The following INO80D variants were observed in gnomAD, a reference collection of about 807,000 sequenced individuals.
INO80D encodes INO80 complex subunit D.
Under a neutral mutation model 87.6 loss-of-function variants are expected in INO80D, and 21 were observed. The observed-to-expected ratio is 0.24, with a 90% CI of 0.17 to 0.35. INO80D has a LOEUF of 0.35. INO80D is among the 10% of genes least tolerant of loss of function. INO80D has a pLI of 1.00. For missense variants in INO80D, 982 were observed against 1,280.7 expected (o/e 0.77, Z 3.56); for synonymous variants, 440 against 491.0 (o/e 0.90, Z 1.37).
intron 5 of INO80D, among the ~76,000 whole-genome samples, chr2:206,029,893 C>A (rs1333345317): frequency 6.6e-6 from 1 of 152,044 alleles, no homozygotes. Context: ...AACAGTGGGG[C>A]AAAAAGGCCA....
At chr2:206,081,711 C>T (rs1690288701) in intron 1 of INO80D, among the ~76,000 whole-genome samples, 1 of 148,056 alleles carries the variant, frequency 6.8e-6, no homozygotes, top group Non-Finnish European at 1.5e-5. Context: ...GAGCTGTAAT[C>T]ATGCCACTGT....
intron 8 of INO80D, 89 bp from the exon 9 acceptor site, chr2:206,009,883 C>G: frequency 9.7e-7 from 1 of 1,032,002 alleles, no homozygotes. Context: ...CCTTAATATT[C>G]TATATAATGC....
rs572516525 is a variant in INO80D, at chr2:206,000,525, C to A, written c.*3843G>T. On this transcript the variant is annotated 3_prime_UTR_variant, in exon 11 of 11. Coordinates refer to ENST00000403263, the MANE Select transcript of INO80D (RefSeq NM_017759.5). ...GTATAGGTCAACAGAAAGGTCAATTCTTTCATGTAAGAAGAAAACCGTATG... is the reference window on the plus strand; with the variant it reads ...GTATAGGTCAACAGAAAGGTCAATTATTTCATGTAAGAAGAAAACCGTATG... The A allele has an allele frequency of 6.6e-6, 1 of 151,706 alleles. No individual in the cohort carries two copies. Among genetic ancestry groups the A allele is most frequent in the Non-Finnish European group, 1.5e-5 (1 of 67,956 alleles). 9.4% of individuals were successfully genotyped at this position (151,706 alleles called of 1,614,324 possible).
chr2:206,031,617 G>A (rs1688768919), intron 5 of INO80D, among the ~76,000 whole-genome samples: 3 of 152,348 alleles, frequency 2.0e-5, no homozygotes, highest in Non-Finnish European at 2.9e-5. Flanking sequence ...ACTTGCGGGT[G>A]CCCCAGATGG....
intron 1 of INO80D, among the ~76,000 whole-genome samples, chr2:206,082,518 G>A (rs1310944339): frequency 1.3e-5 from 2 of 152,220 alleles, no homozygotes; most frequent in African/African-American, 4.8e-5. Flanking sequence ...CTTGCTTGAA[G>A]AAGTGAGGAG....
At chr2:206,040,750 C>A in intron 5 of INO80D, 1 of 287,304 alleles carries the variant, frequency 3.5e-6, no homozygotes, top group South Asian at 3.5e-5. Flanking sequence ...AGATCCTGCT[C>A]TTAAACACAA....
At chr2:206,009,552 A>G in intron 9 of INO80D, 25 bp downstream of exon 9, 1 of 1,561,032 alleles carries the variant, frequency 6.4e-7, no homozygotes, top group Non-Finnish European at 8.7e-7. Context: ...GTAAAGAAAA[A>G]TTAGGTGCCA....
chr2:206,074,202 T>C (rs949066060), intron 1 of INO80D, among the ~76,000 whole-genome samples: 8 of 152,134 alleles, frequency 5.3e-5, no homozygotes, highest in Non-Finnish European at 1.0e-4. Flanking sequence ...AGCAGCAGAA[T>C]ATACACTGTT....
intron 1 of INO80D, among the ~76,000 whole-genome samples, chr2:206,071,630 C>T (rs1297960543): frequency 6.7e-6 from 1 of 150,152 alleles, no homozygotes; most frequent in Admixed American, 6.8e-5. Context: ...CCATTACCCC[C>T]AGCTATAGTT....
At chr2:206,076,993 G>A (rs1690133467) in intron 1 of INO80D, among the ~76,000 whole-genome samples, 1 of 152,198 alleles carries the variant, frequency 6.6e-6, no homozygotes, top group South Asian at 2.1e-4. Flanking sequence ...ACCATTAGAA[G>A]CCGGGCGCGG....
chr2:206,002,695 A>G lies in INO80D; in HGVS notation c.*1673T>C, dbSNP rs185552420. 1 of 152,342 alleles carries G rather than the reference A, an allele frequency of 6.6e-6. No homozygotes were observed. 9.4% of individuals were successfully genotyped at this position (152,342 alleles called of 1,614,324 possible). A position where few individuals can be genotyped will look rare whatever the true frequency, so the allele number is the denominator to read the frequency against. The stretch of plus-strand genomic sequence containing the variant: ...GGACTGGTTAGAACTAGCATGGCAT[A>G]AAGAGATTACATACAGGAAGTAGGA... On this transcript the variant is annotated 3_prime_UTR_variant, in exon 11 of 11. Transcript: ENST00000403263.
intron 1 of INO80D, among the ~76,000 whole-genome samples, chr2:206,073,338 G>A (rs772008267): frequency 1.1e-4 from 17 of 152,184 alleles, no homozygotes; most frequent in African/African-American, 4.1e-4. Context: ...CACAGCTGGC[G>A]TTTTTTACCC....
At chr2:206,065,978 G>A (rs1444959180) in intron 1 of INO80D, among the ~76,000 whole-genome samples, 4 of 152,138 alleles carry the variant, frequency 2.6e-5, no homozygotes, top group African/African-American at 4.8e-5. Flanking sequence ...GAACAGCATG[G>A]GCCGGGCGCA....
In INO80D at chr2:205,996,101, G is replaced by C. The variant is rs887353834; in HGVS notation, c.*8267C>G. The C allele has an allele frequency of 6.6e-6, 1 of 152,002 alleles. No homozygotes were observed. Among genetic ancestry groups the C allele is most frequent in the Non-Finnish European group, 1.5e-5 (1 of 67,932 alleles). The allele number at this position is 152,002 out of a possible 1,614,324, so 9.4% of individuals were successfully genotyped here. A position where few individuals can be genotyped will look rare whatever the true frequency, so the allele number is the denominator to read the frequency against. ...TTATTGAGCTAAAACTTTCAAATTT[G>C]TTTTATTTGAAGGTTGGCTTTCTGT... On this transcript the variant is annotated 3_prime_UTR_variant, in exon 11 of 11. Coordinates refer to ENST00000403263, the MANE Select transcript of INO80D (RefSeq NM_017759.5).
chr2:206,070,096 G>A lies in INO80D; in HGVS notation c.-123-6852C>T, dbSNP rs532642507. On this transcript the variant is annotated intron_variant, in intron 1 of 10. Coordinates refer to ENST00000403263, the MANE Select transcript of INO80D (RefSeq NM_017759.5). ...TCGAAGCCAGCCTGGGCAACAGAGC[G>A]AAACCCTATCTCTACAAAGAATACA... Among the ~76,000 whole-genome samples, 116 of 151,770 alleles carry A rather than the reference G, an allele frequency of 7.6e-4. 1 individual carries two copies. Among genetic ancestry groups the A allele is most frequent in the African/African-American group, 2.6e-3 (109 of 41,370 alleles).
At position 206,000,708 on chromosome 2, in the gene INO80D, G is replaced by A. The variant is rs2105787140; in HGVS notation, c.*3660C>T. Reference sequence around the variant, plus strand: ...TGATGATTCTTAACTGCAGGTGAGAGATTGGGCTTATTTAAAAATAAATCT... The same window carrying A: ...TGATGATTCTTAACTGCAGGTGAGAAATTGGGCTTATTTAAAAATAAATCT... On this transcript the variant is annotated 3_prime_UTR_variant, in exon 11 of 11. Coordinates refer to ENST00000403263, the MANE Select transcript of INO80D (RefSeq NM_017759.5). 6.6e-6 allele frequency: 1 copy of A among 152,226 alleles called. No homozygotes were observed. Among genetic ancestry groups the A allele is most frequent in the African/African-American group, 2.4e-5 (1 of 41,542 alleles). The allele number at this position is 152,226 out of a possible 1,614,324, so 9.4% of individuals were successfully genotyped here.
chr2:206,064,818 A>G (rs1575873110), intron 1 of INO80D, among the ~76,000 whole-genome samples: 1 of 79,908 alleles, frequency 1.3e-5, no homozygotes, highest in Non-Finnish European at 3.6e-5. Flanking sequence ...CTGTAGTAGG[A>G]AAAAAAAAAA....
chr2:206,058,904 T>TA (rs1229422804), intron 3 of INO80D, among the ~76,000 whole-genome samples: 1 of 152,032 alleles, frequency 6.6e-6, no homozygotes, highest in Non-Finnish European at 1.5e-5. Flanking sequence ...TGTACCCATC[T>TA]GGCAGTGTTT....
At position 206,004,247 on chromosome 2, in the gene INO80D, G is replaced by T; in HGVS notation, c.*121C>A. 1.1e-6 allele frequency: 1 copy of T among 895,066 alleles called. No homozygotes were observed. The highest frequency in any genetic ancestry group is 1.7e-6 in the Non-Finnish European group (1 of 586,890). The allele number at this position is 895,066 out of a possible 1,614,324, so 55.4% of individuals were successfully genotyped here. ...GGGCCACTCATTGAACTGGGAAGGG[G>T]GGTGCCCCTCTGATCCCCATCTGTT... is the stretch of plus-strand genomic sequence containing the variant. On this transcript the variant is annotated 3_prime_UTR_variant, in exon 11 of 11. Transcript: ENST00000403263. This position sits in a 1 kb window ranked among gnomAD's most constrained non-coding sequence, Gnocchi z 4.9.
Sources: allele counts gnomAD v4.1 joint callset (sites outside exome capture counted in the v4.1 genomes callset), GRCh38; gene constraint gnomAD v4.1.1; non-coding constraint Gnocchi (gnomAD v3.1); transcripts MANE v1.5; gene names NCBI Gene and HGNC (gene_info 2026-07-23, HGNC 2026-07-21).